TNFAIP3: variants seen among roughly 807,000 people sequenced by gnomAD.
TNFAIP3 encodes the protein tumor necrosis factor alpha-induced protein 3.
A neutral mutation model predicts 72.4 loss-of-function variants in TNFAIP3; 9 were observed. The observed-to-expected ratio is 0.12, with a 90% CI of 0.07 to 0.22. The LOEUF is 0.22. TNFAIP3 is among the 10% of genes least tolerant of loss of function. The pLI is 1.00. For missense variants in TNFAIP3, 833 were observed against 1,018.7 expected (o/e 0.82, Z 2.48); for synonymous variants, 339 against 372.6 (o/e 0.91, Z 1.04).
chr6:137,881,591 G>A lies in TNFAIP3; in HGVS notation c.*272G>A, dbSNP rs1187083927. ...TTCCTCCTCTCCTACCAAGCAGGAG[G>A]CCAGGAACTTCTTTGGACTTGGAAG... On this transcript the variant is annotated 3_prime_UTR_variant, in exon 9 of 9. Transcript: ENST00000612899. This position sits in a 1 kb window ranked among gnomAD's most constrained non-coding sequence, Gnocchi z 5.0. 1 of 391,614 alleles carries A rather than the reference G, an allele frequency of 2.6e-6. No homozygotes were observed. The highest frequency in any genetic ancestry group is 4.5e-6 in the Non-Finnish European group (1 of 220,560). The allele number at this position is 391,614 out of a possible 1,614,324, so 24.3% of individuals were successfully genotyped here.
At chr6:137,875,283 C>G (rs1250167430) in intron 3 of TNFAIP3, among the ~76,000 whole-genome samples, 2 of 152,180 alleles carry the variant, frequency 1.3e-5, no homozygotes, top group Non-Finnish European at 2.9e-5. Flanking sequence ...TGATCATGGC[C>G]TTTTCCACTG....
chr6:137,876,959 AG>A, intron 5 of TNFAIP3, 116 bp from the exon 6 acceptor site: 1 of 827,076 alleles, frequency 1.2e-6, no homozygotes, highest in South Asian at 2.5e-5. Flanking sequence ...ACTGTGGCTA[AG>A]AATACTTTTC....
rs1272733096 is a variant in TNFAIP3, at chr6:137,871,512, G to A, written c.285G>A (p.Leu95=). 11 of 1,613,880 alleles carry A rather than the reference G, an allele frequency of 6.8e-6. No homozygotes were observed. The highest frequency in any genetic ancestry group is 9.3e-6 in the Non-Finnish European group (11 of 1,179,954). ...WCREVRKLVA[L]KTNGDGNCLM... ...GAGAAGTCCGGAAGCTTGTGGCGCTGAAAACGAACGGTAAGACTTGTTCTG... is the reference window on the plus strand; with the variant it reads ...GAGAAGTCCGGAAGCTTGTGGCGCTAAAAACGAACGGTAAGACTTGTTCTG... Residue 95 remains leucine, a synonymous_variant, in exon 2 of 9, where the codon CTG becomes CTA. Transcript: ENST00000612899. The surrounding 1 kb of genome is among the most constrained non-coding windows in gnomAD (Gnocchi z 4.2).
Position 137,878,386 on chromosome 6 carries a change from G to T in TNFAIP3, c.987-46G>T. On this transcript the variant is annotated intron_variant, in intron 6 of 8. Coordinates refer to ENST00000612899, the MANE Select transcript of TNFAIP3 (RefSeq NM_001270508.2). ...GAGCTAATGATGTAAAATCTTGTGT[G>T]TGATTTTGTGTATTCTCATACATAT... 6 of 1,501,646 alleles carry T rather than the reference G, an allele frequency of 4.0e-6. No individual in the cohort carries two copies. The South Asian group carries it at 6.4e-5, about 16-fold the overall frequency. 93.0% of individuals were successfully genotyped at this position (1,501,646 alleles called of 1,614,324 possible).
intron 7 of TNFAIP3, among the ~76,000 whole-genome samples, chr6:137,879,590 T>C (rs1200083048): frequency 6.6e-6 from 1 of 152,230 alleles, no homozygotes; most frequent in Non-Finnish European, 1.5e-5. Flanking sequence ...CAGAGTGCCC[T>C]GTAGACAGAG....
chr6:137,881,408 C>T lies in TNFAIP3; in HGVS notation c.*89C>T, dbSNP rs1776459577. On this transcript the variant is annotated 3_prime_UTR_variant, in exon 9 of 9. Coordinates refer to ENST00000612899, the MANE Select transcript of TNFAIP3 (RefSeq NM_001270508.2). The surrounding 1 kb of genome is among the most constrained non-coding windows in gnomAD (Gnocchi z 5.0). ...TATCCTCTGAACCCCTCAGCTGCCACTGCAACAGTGGGCTTAAGGGTGTCT... is the reference window on the plus strand; with the variant it reads ...TATCCTCTGAACCCCTCAGCTGCCATTGCAACAGTGGGCTTAAGGGTGTCT... 1 of 1,208,916 alleles carries T rather than the reference C, an allele frequency of 8.3e-7. No individual in the cohort carries two copies. Among genetic ancestry groups the T allele is most frequent in the Non-Finnish European group, 1.2e-6 (1 of 858,722 alleles). 74.9% of individuals were successfully genotyped at this position (1,208,916 alleles called of 1,614,324 possible). A position where few individuals can be genotyped will look rare whatever the true frequency, so the allele number is the denominator to read the frequency against.
Position 137,874,474 on chromosome 6 carries a change from G to A in TNFAIP3, c.296-371G>A, listed in dbSNP as rs1030502365. 9.7e-4 allele frequency among the ~76,000 whole-genome samples: 148 copies of A among 152,316 alleles called. 2 individuals are homozygous for A. The highest frequency in any genetic ancestry group is 3.2e-3 in the African/African-American group (135 of 41,568). On this transcript the variant is annotated intron_variant, in intron 2 of 8. Coordinates refer to ENST00000612899, the MANE Select transcript of TNFAIP3 (RefSeq NM_001270508.2). ...TCACCAGCAAATCAAGGGATGGTAG[G>A]AAGGGATAGGGCTTTAGAGATCATC... is the stretch of plus-strand genomic sequence containing the variant.
At chr6:137,880,909 T>C in intron 8 of TNFAIP3, 126 bp from the exon 9 acceptor site, 2 of 1,017,112 alleles carry the variant, frequency 2.0e-6, no homozygotes, top group Non-Finnish European at 2.9e-6. Flanking sequence ...TCCTGTTCCC[T>C]TGCTCAGGCA....
At position 137,879,044 on chromosome 6, in the gene TNFAIP3, T is replaced by C; in HGVS notation, c.1599T>C (p.Asn533=). 6.2e-7 allele frequency: 1 copy of C among 1,614,224 alleles called. No individual in the cohort carries two copies. The highest frequency in any genetic ancestry group is 1.1e-5 in the South Asian group (1 of 91,088). Residue 533 remains asparagine (N), a synonymous_variant, in exon 7 of 9, where the codon AAT becomes AAC. Transcript: ENST00000612899. ...ACLQDVTRTF[N]GICSTCFKRT... ...TCCAGGATGTTACCAGGACATTTAA[T>C]GGGATCTGCAGTACTTGCTTCAAAA...
Position 137,881,210 on chromosome 6 carries a change from A to T in TNFAIP3, c.2264A>T (p.Glu755Val). The T allele has an allele frequency of 1.9e-6, 3 of 1,612,080 alleles. No individual in the cohort carries two copies. The highest frequency in any genetic ancestry group is 2.5e-6 in the Non-Finnish European group (3 of 1,179,002). ...GCCCACCGGGGTGAGCCTGCCCCCG[A>T]AGACCCCCCCAAGCAGCGTTGCCGG... is the stretch of plus-strand genomic sequence containing the variant. ...PGAHRGEPAP[E>V]DPPKQRCRAP... The change falls in exon 9 of 9, where the codon GAA (glutamate) becomes GTA (valine). Residue 755 changes from glutamate (E) to valine (V), a missense_variant. Physicochemically the swap from Glu to Val is moderately radical, Grantham distance 121. Coordinates refer to ENST00000612899, the MANE Select transcript of TNFAIP3 (RefSeq NM_001270508.2). The surrounding 1 kb of genome is among the most constrained non-coding windows in gnomAD (Gnocchi z 5.0).
rs1352787842 is a variant in TNFAIP3 at position 137,881,707 on chromosome 6, G to A, written c.*388G>A. ...GAAAGGGAAAAGACACACAAGTCGC[G>A]TGGGTTGGAGAAGCCAGAGCCATTC... On this transcript the variant is annotated 3_prime_UTR_variant, in exon 9 of 9. Coordinates refer to ENST00000612899, the MANE Select transcript of TNFAIP3 (RefSeq NM_001270508.2). This position sits in a 1 kb window ranked among gnomAD's most constrained non-coding sequence, Gnocchi z 5.0. 3 of 249,046 alleles carry A rather than the reference G, an allele frequency of 1.2e-5. No individual in the cohort carries two copies. Among genetic ancestry groups the A allele is most frequent in the African/African-American group, 2.2e-5 (1 of 46,026 alleles). The allele number at this position is 249,046 out of a possible 1,614,324, so 15.4% of individuals were successfully genotyped here. A position where few individuals can be genotyped will look rare whatever the true frequency, so the allele number is the denominator to read the frequency against.
In TNFAIP3 at chr6:137,879,211, G is replaced by T; in HGVS notation, c.1766G>T (p.Gly589Val). 3 of 1,614,166 alleles carry T rather than the reference G, an allele frequency of 1.9e-6. No individual in the cohort carries two copies. Among genetic ancestry groups the T allele is most frequent in the Non-Finnish European group, 2.5e-6 (3 of 1,180,038 alleles). The part of the protein sequence containing the change: ...CHRAGNDAPA[G>V]CLSQAARTPG... ...AGAGCTGGAAACGACGCCCCTGCTG[G>T]CTGCCTGTCTCAAGCTGCACGGACT... is the stretch of plus-strand genomic sequence containing the variant. Residue 589 changes from glycine to valine, a missense_variant, in exon 7 of 9, where the codon GGC (glycine) becomes GTC (valine). Physicochemically the swap from Gly to Val is moderately radical, Grantham distance 109. Transcript: ENST00000612899.
chr6:137,874,156 C>T (rs1381888131), intron 2 of TNFAIP3, among the ~76,000 whole-genome samples: 7 of 152,192 alleles, frequency 4.6e-5, no homozygotes, highest in African/African-American at 1.7e-4. Flanking sequence ...CAAATTTAGA[C>T]ACCCAGGTGC....
chr6:137,868,759 A>G (rs190261230), intron 1 of TNFAIP3, among the ~76,000 whole-genome samples: 8 of 152,242 alleles, frequency 5.3e-5, no homozygotes, highest in African/African-American at 1.7e-4. Context: ...TATCTGAAAC[A>G]TTTGTTCTTT....
rs781029642 is a variant in TNFAIP3, at chr6:137,880,139, G to A, written c.1975G>A (p.Gly659Arg). The A allele has an allele frequency of 5.7e-5, 92 of 1,614,018 alleles. No individual in the cohort carries two copies. Among genetic ancestry groups the A allele is most frequent in the Non-Finnish European group, 7.5e-5 (88 of 1,180,034 alleles). ...SRFQNTIPCL[G>R]RECGTLGSTM... ...GTTCCAGAACACCATTCCGTGCCTG[G>A]GGAGGGAATGCGGCACCCTTGGAAG... The change falls in exon 8 of 9, where the codon GGG becomes AGG. Residue 659 changes from glycine to arginine, a missense_variant. Coordinates refer to ENST00000612899, the MANE Select transcript of TNFAIP3 (RefSeq NM_001270508.2).
At position 137,880,113 on chromosome 6, in the gene TNFAIP3, G is replaced by A. The variant is rs1463476564; in HGVS notation, c.1949G>A (p.Arg650Lys). 1.2e-6 allele frequency: 2 copies of A among 1,614,106 alleles called. No homozygotes were observed. Among genetic ancestry groups the A allele is most frequent in the Non-Finnish European group, 8.5e-7 (1 of 1,180,016 alleles). Residue 650 changes from arginine (R) to lysine (K), a missense_variant, in exon 8 of 9, where the codon AGG (arginine) becomes AAG (lysine). Coordinates refer to ENST00000612899, the MANE Select transcript of TNFAIP3 (RefSeq NM_001270508.2). ...ASGKVSPTAS[R>K]FQNTIPCLGR... Reference sequence around the variant, plus strand: ...GGGAAAGTCAGTCCCACAGCGTCCAGGTTCCAGAACACCATTCCGTGCCTG... The same window carrying A: ...GGGAAAGTCAGTCCCACAGCGTCCAAGTTCCAGAACACCATTCCGTGCCTG...
chr6:137,872,564 G>T (rs549003893), intron 2 of TNFAIP3, among the ~76,000 whole-genome samples: 1 of 152,082 alleles, frequency 6.6e-6, no homozygotes, highest in Admixed American at 6.5e-5. Context: ...TTTGACTTGG[G>T]TAACTTAGAG....
intron 4 of TNFAIP3, 23 bp downstream of exon 4, chr6:137,875,858 A>T: frequency 1.9e-6 from 3 of 1,613,996 alleles, no homozygotes; most frequent in Non-Finnish European, 1.7e-6. Flanking sequence ...CAGATCACGG[A>T]TCTGTACTTA....
At position 137,881,409 on chromosome 6, in the gene TNFAIP3, T is replaced by C. The variant is rs1582897535; in HGVS notation, c.*90T>C. On this transcript the variant is annotated 3_prime_UTR_variant, in exon 9 of 9. Coordinates refer to ENST00000612899, the MANE Select transcript of TNFAIP3 (RefSeq NM_001270508.2). This position sits in a 1 kb window ranked among gnomAD's most constrained non-coding sequence, Gnocchi z 5.0. ...ATCCTCTGAACCCCTCAGCTGCCAC[T>C]GCAACAGTGGGCTTAAGGGTGTCTG... 7.5e-6 allele frequency: 9 copies of C among 1,196,276 alleles called. No individual in the cohort carries two copies. The highest frequency in any genetic ancestry group is 1.5e-5 in the South Asian group (1 of 66,908). The allele number at this position is 1,196,276 out of a possible 1,614,324, so 74.1% of individuals were successfully genotyped here. A position where few individuals can be genotyped will look rare whatever the true frequency, so the allele number is the denominator to read the frequency against.
Sources: allele counts gnomAD v4.1 joint callset (sites outside exome capture counted in the v4.1 genomes callset), GRCh38; gene constraint gnomAD v4.1.1; non-coding constraint Gnocchi (gnomAD v3.1); transcripts MANE v1.5; gene names NCBI Gene and HGNC (gene_info 2026-07-23, HGNC 2026-07-21).